Variants in ABCA12 observed in about 807,000 individuals in gnomAD.
ABCA12 encodes glucosylceramide transporter ABCA12.
In ABCA12, 156 loss-of-function variants were observed where a neutral mutation model predicts 293.5. That is an observed-to-expected ratio of 0.53 (90% CI 0.47 to 0.61). ABCA12 has a LOEUF of 0.61. Among genes scored for constraint, ABCA12 ranks in the 20% least tolerant of loss-of-function variants. The pLI is 0.00. For missense variants in ABCA12, 2,797 were observed against 3,090.2 expected, an observed-to-expected ratio of 0.91 and a Z score of 2.25; for synonymous variants, 1,063 against 1,108.0, an observed-to-expected ratio of 0.96 and a Z score of 0.81.
intron 2 of ABCA12, among the ~76,000 whole-genome samples, chr2:215,070,504 A>G (rs572534310): frequency 6.6e-6 from 1 of 151,284 alleles, no homozygotes; most frequent in African/African-American, 2.4e-5. Flanking sequence ...ATTTAGCATT[A>G]GGTATATCTC....
At chr2:215,053,597 C>A (rs564346642) in intron 4 of ABCA12, among the ~76,000 whole-genome samples, 2 of 152,160 alleles carry the variant, frequency 1.3e-5, no homozygotes, top group East Asian at 3.9e-4. Context: ...TCCTCAAAAC[C>A]ATTCACCACC....
chr2:214,975,090 G>T (rs1300339412), intron 34 of ABCA12, among the ~76,000 whole-genome samples: 1 of 152,084 alleles, frequency 6.6e-6, no homozygotes, highest in Admixed American at 6.5e-5. Flanking sequence ...TCAGACACCC[G>T]AATTGCTGAT....
chr2:215,103,986 A>T lies in ABCA12; in HGVS notation c.163+7611T>A, dbSNP rs553958706. ...TGGGCAACAGGGACAGATTCCATTT[A>T]AAAAAAATGTTATAAAGATGTTATA... On this transcript the variant is annotated intron_variant, in intron 2 of 52. Coordinates refer to ENST00000272895, the MANE Select transcript of ABCA12 (RefSeq NM_173076.3). Among the ~76,000 whole-genome samples the T allele has an allele frequency of 3.1e-4, 43 of 140,348 alleles. 1 individual carries two copies. The South Asian group carries it at 5.0e-3, about 16-fold the overall frequency. The allele number at this position is 140,348 out of a possible 152,430, so 92.1% of individuals were successfully genotyped here.
intron 2 of ABCA12, among the ~76,000 whole-genome samples, chr2:215,109,783 T>G (rs1702533821): frequency 6.6e-6 from 1 of 152,202 alleles, no homozygotes; most frequent in Non-Finnish European, 1.5e-5. Context: ...GACTGCTCAT[T>G]CAAAGACCTT....
At chr2:215,064,319 A>G in intron 2 of ABCA12, 100 bp from the exon 3 acceptor site, 2 of 1,275,462 alleles carry the variant, frequency 1.6e-6, no homozygotes, top group South Asian at 1.3e-5. Context: ...CTCCTGGATT[A>G]CCACTCTCCG....
chr2:215,043,171 T>C (rs1467076469), intron 7 of ABCA12, among the ~76,000 whole-genome samples: 2 of 152,322 alleles, frequency 1.3e-5, no homozygotes, highest in East Asian at 3.9e-4. Context: ...TGATGAGTGA[T>C]GTTGAGCATT....
rs554589361 is a variant in ABCA12 at position 215,065,368 on chromosome 2, G to C, written c.164-1149C>G. Among the ~76,000 whole-genome samples, 8 of 138,732 alleles carry C rather than the reference G, an allele frequency of 5.8e-5. No individual in the cohort carries two copies. The South Asian group carries it at 1.6e-3, about 28-fold the overall frequency. 91.0% of individuals were successfully genotyped at this position (138,732 alleles called of 152,430 possible). ...CTGTTTTCATTTTAAAGAGAAAGGA[G>C]AAAAGTAAAAAAAGAGAGAGAGAGA... On this transcript the variant is annotated intron_variant, in intron 2 of 52. Transcript: ENST00000272895.
At chr2:215,069,312 T>G (rs2106079931) in intron 2 of ABCA12, among the ~76,000 whole-genome samples, 1 of 152,158 alleles carries the variant, frequency 6.6e-6, no homozygotes, top group African/African-American at 2.4e-5. Context: ...AATGTCTCCT[T>G]GTCAAGCACC....
intron 2 of ABCA12, among the ~76,000 whole-genome samples, chr2:215,081,495 A>AAAAAAAAAAAAAAAAAAAAAAAAAAAG (rs1553541627): frequency 7.8e-6 from 1 of 127,496 alleles, no homozygotes. Flanking sequence ...AAAAAAAAGA[A>AAAAAAAAAAAAAAAAAAAAAAAAAAAG]AAAGAAAAAA....
chr2:214,949,657 C>G (rs1048694831), intron 45 of ABCA12, among the ~76,000 whole-genome samples: 2 of 152,132 alleles, frequency 1.3e-5, no homozygotes, highest in Non-Finnish European at 2.9e-5. Flanking sequence ...TTCAATGCTG[C>G]CTTAATATCG....
chr2:215,132,713 C>T lies in ABCA12; in HGVS notation c.69+5427G>A, dbSNP rs746412831. 3.3e-5 allele frequency among the ~76,000 whole-genome samples: 5 copies of T among 152,064 alleles called. No individual in the cohort carries two copies. In the South Asian group the frequency reaches 1.0e-3, roughly 32 times the overall value. On this transcript the variant is annotated intron_variant, in intron 1 of 52. Transcript: ENST00000272895. ...TATTTGCCATTCTACATCTTTTAAG[C>T]AGGGCATTGAGGCATTTATGTTAAA...
At chr2:214,995,256 G>A (rs1229780788) in intron 23 of ABCA12, among the ~76,000 whole-genome samples, 2 of 152,138 alleles carry the variant, frequency 1.3e-5, no homozygotes, top group Non-Finnish European at 2.9e-5. Context: ...ATTACAGAAC[G>A]AAAAGGGGAG....
intron 2 of ABCA12, among the ~76,000 whole-genome samples, chr2:215,092,070 G>T (rs1370351715): frequency 1.3e-5 from 2 of 152,206 alleles, no homozygotes; most frequent in Non-Finnish European, 2.9e-5. Flanking sequence ...GAAGATTGAT[G>T]CTGCCTGATG....
At chr2:215,050,767 C>G in intron 5 of ABCA12, 1 of 984,456 alleles carries the variant, frequency 1.0e-6, no homozygotes, top group Non-Finnish European at 1.2e-6. Flanking sequence ...ATCCGTATCT[C>G]TCTTCTAACA....
intron 38 of ABCA12, among the ~76,000 whole-genome samples, chr2:214,968,129 C>CA (rs1274869067): frequency 7.2e-5 from 11 of 151,888 alleles, no homozygotes; most frequent in Non-Finnish European, 4.4e-5. Flanking sequence ...ATAGTGTTAC[C>CA]AAAAAAATTC....
At chr2:215,129,702 T>G (rs542712548) in intron 1 of ABCA12, among the ~76,000 whole-genome samples, 1 of 152,344 alleles carries the variant, frequency 6.6e-6, no homozygotes, top group Admixed American at 6.5e-5. Flanking sequence ...CTGTTGATTA[T>G]TTCTTTTGCT....
intron 2 of ABCA12, among the ~76,000 whole-genome samples, chr2:215,073,444 T>C (rs1183055627): frequency 1.3e-5 from 2 of 152,232 alleles, no homozygotes; most frequent in African/African-American, 4.8e-5. Context: ...TTTTAGCCTC[T>C]GGGCAGGTCT....
At chr2:214,978,195 T>G (rs1296448894) in intron 33 of ABCA12, 121 bp downstream of exon 33, 1 of 1,161,952 alleles carries the variant, frequency 8.6e-7, no homozygotes, top group Non-Finnish European at 1.2e-6. Context: ...ATTTCCTTAG[T>G]GTTTTTTGAA....
chr2:214,992,810 G>A (rs142547490), intron 23 of ABCA12, among the ~76,000 whole-genome samples: 78 of 152,042 alleles, frequency 5.1e-4, no homozygotes, highest in South Asian at 3.5e-3. Context: ...GCAGTGAGCC[G>A]AGATCATGCC....
Sources: allele counts gnomAD v4.1 joint callset (sites outside exome capture counted in the v4.1 genomes callset), GRCh38; gene constraint gnomAD v4.1.1; transcripts MANE v1.5; gene names NCBI Gene and HGNC (gene_info 2026-07-23, HGNC 2026-07-21).